The following SLC24A5 variants were observed in gnomAD, a reference collection of about 807,000 sequenced individuals.
The protein encoded by SLC24A5 is solute carrier family 24 member 5.
In SLC24A5, 46 loss-of-function variants were observed where a neutral mutation model predicts 51.6. The ratio of observed to expected loss-of-function variants is 0.89; its 90% confidence interval spans 0.70 to 1.14. SLC24A5 has a LOEUF of 1.14. SLC24A5 is among the 50% of genes most tolerant of loss of function. SLC24A5 has a pLI of 0.00. For missense variants in SLC24A5, 581 were observed against 604.1 expected, an observed-to-expected ratio of 0.96 and a Z score of 0.40; for synonymous variants, 230 against 214.9, an observed-to-expected ratio of 1.07 and a Z score of -0.62.
At chr15:48,141,316 C>T (rs966618013) in intron 8 of SLC24A5, 102 bp downstream of exon 8, 76 of 909,274 alleles carry the variant, frequency 8.4e-5, no homozygotes, top group Non-Finnish European at 1.1e-4. Context: ...TGGTGGCTCG[C>T]GCCTGTAATC....
chr15:48,130,941 C>T (rs2038783618), intron 2 of SLC24A5, among the ~76,000 whole-genome samples: 1 of 152,096 alleles, frequency 6.6e-6, no homozygotes, highest in Non-Finnish European at 1.5e-5. Context: ...TCAACAGGCT[C>T]AGGGTTTATG....
At chr15:48,121,608 T>C (rs58102225) in intron 1 of SLC24A5, among the ~76,000 whole-genome samples, 1,928 of 152,312 alleles carry the variant, frequency 0.013, 41 homozygotes, top group African/African-American at 0.045. Flanking sequence ...AGTGATTTCA[T>C]GATTTCCTCT....
At chr15:48,131,943 C>T (rs769530126) in intron 2 of SLC24A5, among the ~76,000 whole-genome samples, 7 of 152,026 alleles carry the variant, frequency 4.6e-5, no homozygotes, top group Admixed American at 2.0e-4. Flanking sequence ...CCAAATTACC[C>T]CAAGGGATAA....
At chr15:48,122,922 A>G (rs1158904202) in intron 2 of SLC24A5, 2 of 152,214 alleles carry the variant, frequency 1.3e-5, no homozygotes, top group Non-Finnish European at 1.5e-5. Flanking sequence ...CAGTAACAGC[A>G]GCGTCCTCAA....
intron 2 of SLC24A5, chr15:48,123,730 G>A (rs1162658676): frequency 6.6e-6 from 1 of 152,152 alleles, no homozygotes; most frequent in Admixed American, 6.5e-5. Context: ...AGGCAGAGAT[G>A]TGGATATTTT....
rs1233855511 is a variant in SLC24A5 at position 48,136,920 on chromosome 15, T to C, written c.828T>C (p.Ser276=). The C allele has an allele frequency of 6.2e-7, 1 of 1,613,784 alleles. No individual in the cohort carries two copies. Among genetic ancestry groups the C allele is most frequent in the African/African-American group, 1.3e-5 (1 of 75,026 alleles). The change falls in exon 6 of 9, where the codon TCT becomes TCC. Residue 276 remains serine, a synonymous_variant. Transcript: ENST00000341459. The part of the protein sequence containing the change: ...SGIFYEDSGY[S]QLSISLHGLS... The stretch of plus-strand genomic sequence containing the variant: ...TATTTTATGAAGATTCTGGCTACTC[T>C]CAGCTCTCTATAAGTTTACATGGCC...
chr15:48,141,742 A>T (rs1025290371), intron 8 of SLC24A5: 50 of 213,992 alleles, frequency 2.3e-4, no homozygotes, highest in African/African-American at 1.1e-3. Flanking sequence ...TGTGTTAAAT[A>T]GTAATTAACC....
chr15:48,134,882 A>T lies in SLC24A5; in HGVS notation c.490-2A>T. The T allele has an allele frequency of 6.3e-7, 1 of 1,599,876 alleles. No homozygotes were observed. Among genetic ancestry groups the T allele is most frequent in the African/African-American group, 1.3e-5 (1 of 74,702 alleles). On this transcript the variant is annotated splice_acceptor_variant, in intron 4 of 8. Coordinates refer to ENST00000341459, the MANE Select transcript of SLC24A5 (RefSeq NM_205850.3). LOFTEE classifies it high-confidence loss of function. The stretch of plus-strand genomic sequence containing the variant: ...TGGAAATAATAACTTACCATATTAC[A>T]GGTCTCAACACTATCATGTTGGCCC...
At chr15:48,131,864 A>T (rs997009075) in intron 2 of SLC24A5, among the ~76,000 whole-genome samples, 1 of 152,158 alleles carries the variant, frequency 6.6e-6, no homozygotes, top group African/African-American at 2.4e-5. Context: ...AACCACCCCA[A>T]GAGAACTTTT....
intron 2 of SLC24A5, among the ~76,000 whole-genome samples, chr15:48,126,062 CG>C (rs1567220837): frequency 6.6e-6 from 1 of 152,172 alleles, no homozygotes; most frequent in Non-Finnish European, 1.5e-5. Context: ...GCAGGGCCCC[CG>C]CTCGGTCAAA....
chr15:48,139,580 C>T lies in SLC24A5; in HGVS notation c.1078+405C>T, dbSNP rs188057107. On this transcript the variant is annotated intron_variant, in intron 7 of 8. Transcript: ENST00000341459. Reference sequence around the variant, plus strand: ...GCAAGGAGCTCTATTTTTGGGAAAACAATGGGTGCTCACTGCTTAACTGGA... The same window carrying T: ...GCAAGGAGCTCTATTTTTGGGAAAATAATGGGTGCTCACTGCTTAACTGGA... The T allele has an allele frequency of 1.6e-3, 240 of 154,350 alleles. 1 individual carries two copies. Among genetic ancestry groups the T allele is most frequent in the Middle Eastern group, 0.01 (3 of 290 alleles). 9.6% of individuals were successfully genotyped at this position (154,350 alleles called of 1,614,324 possible).
chr15:48,134,279 T>C lies in SLC24A5; in HGVS notation c.323T>C (p.Val108Ala). 6.2e-7 allele frequency: 1 copy of C among 1,613,688 alleles called. No individual in the cohort carries two copies. Among genetic ancestry groups the C allele is most frequent in the East Asian group, 2.2e-5 (1 of 44,880 alleles). ...TCAGCCCTTGGATTGTCTCAGGATG[T>C]TGCAGGCACAACTTTCATGGCAGCG... ...ISESLGLSQD[V>A]AGTTFMAAGS... The change falls in exon 3 of 9, where the codon GTT (valine) becomes GCT (alanine). Residue 108 changes from valine to alanine, a missense_variant. Physicochemically the swap from Val to Ala is moderately conservative, Grantham distance 64. Transcript: ENST00000341459.
rs553993673 is a variant in SLC24A5, at chr15:48,141,033, G to A, written c.1079-80G>A. 341 of 1,169,346 alleles carry A rather than the reference G, an allele frequency of 2.9e-4. 1 individual carries two copies. In the South Asian group the frequency reaches 4.0e-3, roughly 14 times the overall value. 72.4% of individuals were successfully genotyped at this position (1,169,346 alleles called of 1,614,324 possible). On this transcript the variant is annotated intron_variant, in intron 7 of 8. Transcript: ENST00000341459. ...ATGTGCCTATTTTATTTTTGTTCACGAAGGAAATATCCAAAATAACTGCAA... is the reference window on the plus strand; with the variant it reads ...ATGTGCCTATTTTATTTTTGTTCACAAAGGAAATATCCAAAATAACTGCAA...
chr15:48,134,874 C>A lies in SLC24A5; in HGVS notation c.490-10C>A. On this transcript the variant is annotated splice_polypyrimidine_tract_variant and intron_variant, in intron 4 of 8. Coordinates refer to ENST00000341459, the MANE Select transcript of SLC24A5 (RefSeq NM_205850.3). ...CAATGTAATGGAAATAATAACTTAC[C>A]ATATTACAGGTCTCAACACTATCAT... is the stretch of plus-strand genomic sequence containing the variant. 6.3e-7 allele frequency: 1 copy of A among 1,585,328 alleles called. No homozygotes were observed. Among genetic ancestry groups the A allele is most frequent in the South Asian group, 1.1e-5 (1 of 87,050 alleles).
intron 2 of SLC24A5, among the ~76,000 whole-genome samples, chr15:48,128,274 T>A (rs10083691): frequency 2.0e-5 from 3 of 151,514 alleles, no homozygotes; most frequent in African/African-American, 7.3e-5. Flanking sequence ...TATGAAACTT[T>A]AAAAAAAAAT....
intron 7 of SLC24A5, chr15:48,140,262 T>C (rs2039021855): frequency 6.6e-6 from 1 of 152,008 alleles, no homozygotes; most frequent in South Asian, 2.1e-4. Context: ...TATGCACATA[T>C]GAATTCTAGC....
intron 2 of SLC24A5, 182 bp downstream of exon 2, chr15:48,122,218 G>A (rs2140703889): frequency 3.1e-6 from 2 of 636,642 alleles, no homozygotes; most frequent in Non-Finnish European, 5.6e-6. Context: ...GGTAGTTAAT[G>A]TGAATCAGAG....
intron 2 of SLC24A5, chr15:48,122,249 G>C (rs944159228): frequency 6.7e-6 from 4 of 596,928 alleles, no homozygotes; most frequent in African/African-American, 5.6e-5. Context: ...TTAGAACCCG[G>C]CAGTTATTAT....
At chr15:48,122,476 G>T in intron 2 of SLC24A5, 1 of 197,764 alleles carries the variant, frequency 5.1e-6, no homozygotes. Flanking sequence ...ATGCAATTAA[G>T]GACCACCCTC....
Sources: gnomAD v4.1 joint callset for allele counts (sites outside exome capture counted in the v4.1 genomes callset) on GRCh38, gnomAD v4.1.1 for gene constraint, MANE v1.5 for transcripts, NCBI Gene and HGNC (gene_info 2026-07-23, HGNC 2026-07-21) for gene names.